Variants in SLC14A1 observed in about 807,000 individuals in gnomAD.
SLC14A1 encodes the protein solute carrier family 14 member 1 (Kidd blood group).
SLC14A1 carries 36 observed loss-of-function variants against 39.6 expected under a neutral mutation model. The ratio of observed to expected loss-of-function variants is 0.91; its 90% CI spans 0.70 to 1.20. The LOEUF (loss-of-function observed/expected upper bound fraction) is 1.20, where lower values mean the gene tolerates loss of function less well. SLC14A1 is among the 50% of genes most tolerant of loss of function. The pLI, the probability that SLC14A1 is intolerant of heterozygous loss-of-function variation, is 0.00. For synonymous variants in SLC14A1, 164 were observed against 173.6 expected, an observed-to-expected ratio of 0.94 and a Z score of 0.43; for missense variants, 469 against 478.7, an observed-to-expected ratio of 0.98 and a Z score of 0.19.
chr18:45,727,605 G>T (rs1020958172), intron 2 of SLC14A1, among the ~76,000 whole-genome samples: 1 of 152,242 alleles, frequency 6.6e-6, no homozygotes, highest in East Asian at 1.9e-4. Flanking sequence ...ATTGAGCTGA[G>T]AAGTTTTGAC....
At chr18:45,742,652 C>T (rs1047812205) in intron 8 of SLC14A1, among the ~76,000 whole-genome samples, 4 of 140,826 alleles carry the variant, frequency 2.8e-5, no homozygotes, top group Non-Finnish European at 6.1e-5. Flanking sequence ...GCCACCGCAC[C>T]TGGCGGGTGC....
At chr18:45,742,883 T>C (rs1335762191) in intron 8 of SLC14A1, among the ~76,000 whole-genome samples, 1 of 152,108 alleles carries the variant, frequency 6.6e-6, no homozygotes, top group African/African-American at 2.4e-5. Flanking sequence ...AGATGGGGTT[T>C]CACCATGTTG....
chr18:45,741,516 T>C (rs771985558), intron 8 of SLC14A1, among the ~76,000 whole-genome samples: 4 of 152,208 alleles, frequency 2.6e-5, no homozygotes, highest in Non-Finnish European at 5.9e-5. Flanking sequence ...GAAAATGGGA[T>C]GGTACCAACG....
In SLC14A1 at chr18:45,751,114, CA is replaced by C. The variant is rs2047690019; in HGVS notation, c.*1164del. 1 of 808,032 alleles carries C rather than the reference CA, an allele frequency of 1.2e-6. No individual in the cohort carries two copies. Among genetic ancestry groups the C allele is most frequent in the African/African-American group, 1.9e-5 (1 of 53,534 alleles). The allele number at this position is 808,032 out of a possible 1,614,324, so 50.1% of individuals were successfully genotyped here. On this transcript the variant is annotated 3_prime_UTR_variant, in exon 10 of 10. Coordinates refer to ENST00000321925, the MANE Select transcript of SLC14A1 (RefSeq NM_015865.7). ...CAGCACTTTGGGGAGCCCAGGCGGG[CA>C]GATTGCTTGAACCCAGGAGTTCAAG...
chr18:45,739,916 G>A, intron 8 of SLC14A1: 1 of 545,238 alleles, frequency 1.8e-6, no homozygotes, highest in South Asian at 2.0e-5. Context: ...ATGGATGTTT[G>A]GGAGGATAGA....
intron 2 of SLC14A1, among the ~76,000 whole-genome samples, chr18:45,725,849 A>G (rs2046850446): frequency 6.6e-6 from 1 of 152,096 alleles, no homozygotes; most frequent in Admixed American, 6.5e-5. Flanking sequence ...CTAGCTCTCA[A>G]ATTTCTCTTG....
intron 5 of SLC14A1, among the ~76,000 whole-genome samples, chr18:45,735,211 G>A (rs1465063329): frequency 6.6e-6 from 1 of 152,186 alleles, no homozygotes; most frequent in African/African-American, 2.4e-5. Flanking sequence ...CCAAAGTTGA[G>A]ACCCACTTCC....
At chr18:45,725,173 A>G (rs2046830626) in intron 2 of SLC14A1, among the ~76,000 whole-genome samples, 160 bp downstream of exon 2, 1 of 152,214 alleles carries the variant, frequency 6.6e-6, no homozygotes, top group Non-Finnish European at 1.5e-5. Context: ...CTCCAATTGC[A>G]CAAATTTCTA....
chr18:45,727,389 T>C (rs1445230549), intron 2 of SLC14A1: 2 of 1,550,072 alleles, frequency 1.3e-6, no homozygotes, highest in East Asian at 4.9e-5. Flanking sequence ...CCGGCTAAGC[T>C]TGGCCCTGGC....
At chr18:45,729,923 G>A (rs1020496981) in intron 2 of SLC14A1, 3 of 165,454 alleles carry the variant, frequency 1.8e-5, no homozygotes, top group Admixed American at 5.9e-5. Flanking sequence ...TGGAGCTAAC[G>A]TACTTAATTT....
At position 45,749,789 on chromosome 18, in the gene SLC14A1, AGCTT is replaced by A; in HGVS notation, c.1010_1013del (p.Ala337ValfsTer15). 1 of 1,614,188 alleles carries A rather than the reference AGCTT, an allele frequency of 6.2e-7. No homozygotes were observed. The highest frequency in any genetic ancestry group is 8.5e-7 in the Non-Finnish European group (1 of 1,180,042). On this transcript the variant is annotated frameshift_variant, in exon 10 of 10. Transcript: ENST00000321925. LOFTEE classifies it high-confidence loss of function. ...CTCTTCTTCCCCAGGTTGGATTGCC[AGCTT>A]GTACCTGGCCCTTCTGTTTGGCCAC...
In SLC14A1 at chr18:45,752,181, AC is replaced by A; in HGVS notation, c.*2231del. 1 of 985,410 alleles carries A rather than the reference AC, an allele frequency of 1.0e-6. No homozygotes were observed. The highest frequency in any genetic ancestry group is 1.2e-6 in the Non-Finnish European group (1 of 829,920). 61.0% of individuals were successfully genotyped at this position (985,410 alleles called of 1,614,324 possible). The stretch of plus-strand genomic sequence containing the variant: ...GAACTGAACCCTTTCTTGTTAGGGA[AC>A]GTGTGAAAGAAGAATTGTGGGGAAA... On this transcript the variant is annotated 3_prime_UTR_variant, in exon 10 of 10. Coordinates refer to ENST00000321925, the MANE Select transcript of SLC14A1 (RefSeq NM_015865.7).
At chr18:45,745,872 A>C (rs2047531373) in intron 8 of SLC14A1, among the ~76,000 whole-genome samples, 1 of 152,234 alleles carries the variant, frequency 6.6e-6, no homozygotes, top group African/African-American at 2.4e-5. Context: ...TCTCACATGT[A>C]AAATGCCACA....
At chr18:45,747,515 C>T (rs1017422090) in intron 8 of SLC14A1, among the ~76,000 whole-genome samples, 120 of 145,296 alleles carry the variant, frequency 8.3e-4, no homozygotes, top group African/African-American at 3.0e-3. Flanking sequence ...GGTGAAACCC[C>T]GTCTCTACTA....
In SLC14A1 at chr18:45,739,180, A is replaced by G; in HGVS notation, c.681A>G (p.Pro227=). The G allele has an allele frequency of 6.2e-7, 1 of 1,614,084 alleles. No homozygotes were observed. The highest frequency in any genetic ancestry group is 8.5e-7 in the Non-Finnish European group (1 of 1,179,996). Residue 227 remains proline, a synonymous_variant, in exon 7 of 10, where the codon CCA becomes CCG. Transcript: ENST00000321925. ...LSALELLKSI[P]VGVGQIYGCD... ...TTTTGCAGTTGTTGAAATCTATACC[A>G]GTGGGAGTTGGTCAGATCTATGGCT...
Position 45,749,758 on chromosome 18 carries a change from G to A in SLC14A1, c.997-20G>A. 2 of 1,614,116 alleles carry A rather than the reference G, an allele frequency of 1.2e-6. No homozygotes were observed. ...CAGATGGGATCTGAAAGGAGCGTGT[G>A]GCTTTCTCTTCTTCCCCAGGTTGGA... On this transcript the variant is annotated intron_variant, in intron 9 of 9. Transcript: ENST00000321925.
chr18:45,734,674 G>T (rs957875188), intron 5 of SLC14A1, among the ~76,000 whole-genome samples: 2 of 152,106 alleles, frequency 1.3e-5, no homozygotes, highest in Non-Finnish European at 2.9e-5. Flanking sequence ...CAGGAGTTAG[G>T]GGCTGCAGTG....
rs145156271 is a variant in SLC14A1, at chr18:45,752,295, C to T, written c.*2344C>T. 2.9e-3 allele frequency: 2,733 copies of T among 942,318 alleles called. 6 individuals carry two copies. The highest frequency in any genetic ancestry group is 3.2e-3 in the Non-Finnish European group (2,505 of 790,652). 58.4% of individuals were successfully genotyped at this position (942,318 alleles called of 1,614,324 possible). A position where few individuals can be genotyped will look rare whatever the true frequency, so the allele number is the denominator to read the frequency against. The stretch of plus-strand genomic sequence containing the variant: ...AGAGGCCTCTAAAATGGACCCGAGT[C>T]GATCTTCAGAACAGGGATCTACCAT... On this transcript the variant is annotated 3_prime_UTR_variant, in exon 10 of 10. Coordinates refer to ENST00000321925, the MANE Select transcript of SLC14A1 (RefSeq NM_015865.7).
chr18:45,732,403 G>A (rs7229967), intron 4 of SLC14A1, among the ~76,000 whole-genome samples: 64,632 of 152,012 alleles, frequency 0.43, 14,510 homozygotes, highest in East Asian at 0.52. Context: ...AAGTCTGCAT[G>A]GCTCTCTACT....
Sources: gnomAD v4.1 joint callset for allele counts (sites outside exome capture counted in the v4.1 genomes callset) on GRCh38, gnomAD v4.1.1 for gene constraint, MANE v1.5 for transcripts, NCBI Gene and HGNC (gene_info 2026-07-23, HGNC 2026-07-21) for gene names.